Variants in IFIH1 observed in about 807,000 individuals in gnomAD.
The protein encoded by IFIH1 is interferon-induced helicase C domain-containing protein 1.
Under a neutral mutation model 107.4 loss-of-function variants are expected in IFIH1, and 125 were observed. The ratio of observed to expected loss-of-function variants is 1.16; its 90% confidence interval spans 1.01 to 1.35. The LOEUF (loss-of-function observed/expected upper bound fraction) is 1.35, where lower values mean the gene tolerates loss of function less well. IFIH1 is among the 40% of genes most tolerant of loss of function. IFIH1 has a pLI of 0.00. For synonymous variants in IFIH1, 458 were observed against 413.2 expected (o/e 1.11, Z -1.31); for missense variants, 1,333 against 1,213.7 (o/e 1.10, Z -1.46).
At chr2:162,267,971 G>A in intron 14 of IFIH1, 116 bp downstream of exon 14, 1 of 663,742 alleles carries the variant, frequency 1.5e-6, no homozygotes, top group East Asian at 2.9e-5. Flanking sequence ...AGAGGCTAAA[G>A]GAGAGGAAGT....
chr2:162,272,123 T>C (rs1576221864), intron 13 of IFIH1, 103 bp downstream of exon 13: 1 of 900,206 alleles, frequency 1.1e-6, no homozygotes, highest in East Asian at 2.6e-5. Context: ...AAACTTATAA[T>C]TCAGCACAAT....
At chr2:162,294,070 T>A (rs796958398) in intron 3 of IFIH1, among the ~76,000 whole-genome samples, 1 of 151,894 alleles carries the variant, frequency 6.6e-6, no homozygotes, top group Non-Finnish European at 1.5e-5. Context: ...TGATAGGGAA[T>A]TAATAAAGTA....
At chr2:162,297,853 G>A (rs13023380) in intron 3 of IFIH1, among the ~76,000 whole-genome samples, 53,435 of 151,836 alleles carry the variant, frequency 0.35, 12,143 homozygotes, top group Non-Finnish European at 0.52. Context: ...TACAATGACA[G>A]CAAGTGCCTA....
chr2:162,272,909 T>A (rs966826763), intron 12 of IFIH1, among the ~76,000 whole-genome samples: 1 of 152,194 alleles, frequency 6.6e-6, no homozygotes, highest in Non-Finnish European at 1.5e-5. Context: ...AAAGTGATAT[T>A]CAGGTATATT....
Position 162,306,848 on chromosome 2 carries a change from C to A in IFIH1, c.630G>T (p.Glu210Asp). ...GAGGACCATCAACTTGTGATAAATT[C>A]TCAATCTCTGTGAATAACAGTATTA... ...SDCSESNAEI[E>D]NLSQVDGPQV... Residue 210 changes from glutamate (E) to aspartate (D), a missense_variant, in exon 3 of 16, where the codon GAG becomes GAT. By Grantham distance (45) the Glu-to-Asp change is conservative. Transcript: ENST00000649979. 1.2e-6 allele frequency: 2 copies of A among 1,613,688 alleles called. No homozygotes were observed. Among genetic ancestry groups the A allele is most frequent in the Non-Finnish European group, 1.7e-6 (2 of 1,179,738 alleles).
chr2:162,280,140 A>T, intron 7 of IFIH1, 28 bp from the exon 8 acceptor site: 1 of 1,183,284 alleles, frequency 8.5e-7, no homozygotes, highest in Non-Finnish European at 1.3e-6. Context: ...TTCAATATTT[A>T]TGCAATTATT....
At chr2:162,296,033 C>T (rs1211052115) in intron 3 of IFIH1, among the ~76,000 whole-genome samples, 6 of 151,918 alleles carry the variant, frequency 3.9e-5, no homozygotes, top group Non-Finnish European at 8.8e-5. Flanking sequence ...AAAATACTAA[C>T]AAATATCTAA....
Position 162,277,413 on chromosome 2 carries a change from AC to A in IFIH1, c.2044+1del. 5 of 1,602,148 alleles carry A rather than the reference AC, an allele frequency of 3.1e-6. No individual in the cohort carries two copies. Among genetic ancestry groups the A allele is most frequent in the Non-Finnish European group, 4.3e-6 (5 of 1,171,008 alleles). Reference sequence around the variant, plus strand: ...ACCAGTATATGTTACTTTGAATCTTACCAAAAAATAAAGTCATGAGAAATCT... The same window carrying A: ...ACCAGTATATGTTACTTTGAATCTTACAAAAAATAAAGTCATGAGAAATCT... On this transcript the variant is annotated splice_donor_variant, in intron 10 of 15. Transcript: ENST00000649979. LOFTEE classifies it high-confidence loss of function.
chr2:162,274,772 C>T (rs1691118816), intron 11 of IFIH1, among the ~76,000 whole-genome samples: 2 of 152,136 alleles, frequency 1.3e-5, no homozygotes, highest in Non-Finnish European at 2.9e-5. Flanking sequence ...TAACCACTCT[C>T]ATCAAAGCTG....
In IFIH1 at chr2:162,267,337, A is replaced by G; in HGVS notation, c.2941T>C (p.Cys981Arg). ...MMVHKGLDLP[C>R]LKIRNFVVVF... ...ACTACAAAATTCCTTATTTTGAGAC[A>G]AGGCAAATCTAAGCCTTTGTGCACC... The change falls in exon 16 of 16, where the codon TGT becomes CGT. Residue 981 changes from cysteine to arginine, a missense_variant. Coordinates refer to ENST00000649979, the MANE Select transcript of IFIH1 (RefSeq NM_022168.4). 3.7e-6 allele frequency: 6 copies of G among 1,612,880 alleles called. No individual in the cohort carries two copies. Among genetic ancestry groups the G allele is most frequent in the Non-Finnish European group, 5.1e-6 (6 of 1,179,724 alleles).
chr2:162,310,806 A>G lies in IFIH1; in HGVS notation c.581T>C (p.Val194Ala). Residue 194 changes from valine (V) to alanine (A), a missense_variant, in exon 2 of 16, where the codon GTC (valine) becomes GCC (alanine). Transcript: ENST00000649979. ...VLRQTGNNEL[V>A]QELTGSDCSE... Reference sequence around the variant, plus strand: ...GCAATCAGAGCCTGTTAACTCTTGGACAAGTTCATTGTTTCCTGTTTGACG... The same window carrying G: ...GCAATCAGAGCCTGTTAACTCTTGGGCAAGTTCATTGTTTCCTGTTTGACG... The G allele has an allele frequency of 6.2e-7, 1 of 1,613,864 alleles. No homozygotes were observed. The highest frequency in any genetic ancestry group is 2.2e-5 in the East Asian group (1 of 44,834).
At chr2:162,287,349 A>C (rs191564667) in intron 5 of IFIH1, among the ~76,000 whole-genome samples, 1 of 152,026 alleles carries the variant, frequency 6.6e-6, no homozygotes, top group South Asian at 2.1e-4. Context: ...AAGTATGCTC[A>C]TTTTTATTCC....
intron 6 of IFIH1, among the ~76,000 whole-genome samples, chr2:162,282,138 A>C (rs1682820565): frequency 6.6e-6 from 1 of 152,050 alleles, no homozygotes; most frequent in African/African-American, 2.4e-5. Context: ...GAATAAATGG[A>C]AAGTCCAGCG....
intron 8 of IFIH1, 42 bp from the exon 9 acceptor site, chr2:162,278,370 T>A (rs752811767): frequency 1.0e-6 from 1 of 978,192 alleles, no homozygotes; most frequent in Non-Finnish European, 1.5e-6. Context: ...ATTCTTATTG[T>A]TAAAGGAATA....
At chr2:162,317,594 G>A (rs905639292) in intron 1 of IFIH1, among the ~76,000 whole-genome samples, 20 of 152,184 alleles carry the variant, frequency 1.3e-4, no homozygotes, top group Admixed American at 5.2e-4. Flanking sequence ...CACATAGTAA[G>A]TGTTCAATAA....
chr2:162,314,469 T>C (rs894893559), intron 1 of IFIH1, among the ~76,000 whole-genome samples: 1 of 135,280 alleles, frequency 7.4e-6, no homozygotes, highest in Non-Finnish European at 1.5e-5. Context: ...TCTTTCTTTC[T>C]TTCTTTCTTT....
chr2:162,288,267 T>G lies in IFIH1; in HGVS notation c.963A>C (p.Glu321Asp). 1 of 1,612,834 alleles carries G rather than the reference T, an allele frequency of 6.2e-7. No homozygotes were observed. Among genetic ancestry groups the G allele is most frequent in the Non-Finnish European group, 8.5e-7 (1 of 1,179,220 alleles). ...YQMEVAQPALEGKNIIICLPT... is the reference protein window; with the variant it reads ...YQMEVAQPALDGKNIIICLPT... Reference sequence around the variant, plus strand: ...GGAGGCAGATGATGATATTCTTCCCTTCCAAGGCTGGCTGGGCAACTTCCA... The same window carrying G: ...GGAGGCAGATGATGATATTCTTCCCGTCCAAGGCTGGCTGGGCAACTTCCA... The change falls in exon 5 of 16, where the codon GAA (glutamate) becomes GAC (aspartate). Residue 321 changes from glutamate (E) to aspartate (D), a missense_variant. Glu to Asp is a conservative substitution (Grantham distance 45). Transcript: ENST00000649979.
At chr2:162,313,333 A>G (rs1328998315) in intron 1 of IFIH1, among the ~76,000 whole-genome samples, 1 of 152,260 alleles carries the variant, frequency 6.6e-6, no homozygotes, top group Non-Finnish European at 1.5e-5. Context: ...GCAACAAGTC[A>G]TAAAACAATT....
chr2:162,297,299 T>C (rs889860098), intron 3 of IFIH1, among the ~76,000 whole-genome samples: 3 of 152,180 alleles, frequency 2.0e-5, no homozygotes, highest in Non-Finnish European at 2.9e-5. Flanking sequence ...TTTCAAACTA[T>C]GTCAGTCTGG....
Sources: allele counts gnomAD v4.1 joint callset (sites outside exome capture counted in the v4.1 genomes callset), GRCh38; gene constraint gnomAD v4.1.1; transcripts MANE v1.5; gene names NCBI Gene and HGNC (gene_info 2026-07-23, HGNC 2026-07-21).